Variants in LRCH1 observed in about 807,000 individuals in gnomAD.
The protein encoded by LRCH1 is leucine rich repeats and calponin homology domain containing 1.
In LRCH1, 23 loss-of-function variants were observed where a neutral mutation model predicts 94.9. That is an observed-to-expected ratio of 0.24 (90% CI 0.17 to 0.34). The LOEUF is 0.34. Among genes scored for constraint, LRCH1 ranks in the 10% least tolerant of loss-of-function variants. The pLI is 1.00. For missense variants in LRCH1, 790 were observed against 945.9 expected, an observed-to-expected ratio of 0.84 and a Z score of 2.16; for synonymous variants, 364 against 354.9, an observed-to-expected ratio of 1.03 and a Z score of -0.29.
exon 19 of LRCH1, chr13:46,750,647 A>G (rs1874089340): frequency 5.8e-6 from 9 of 1,546,994 alleles, no homozygotes; most frequent in Non-Finnish European, 6.1e-6. Flanking sequence ...CTCTGTTCAC[A>G]TGAAACTACC....
intron 7 of LRCH1, among the ~76,000 whole-genome samples, chr13:46,691,953 G>T (rs890703399): frequency 6.6e-5 from 10 of 152,180 alleles, no homozygotes; most frequent in Non-Finnish European, 1.3e-4. Flanking sequence ...CTCCCAAAGT[G>T]CTGGGATTAC....
intron 1 of LRCH1, among the ~76,000 whole-genome samples, chr13:46,557,828 C>T (rs1594241720): frequency 6.6e-6 from 1 of 152,042 alleles, no homozygotes; most frequent in East Asian, 1.9e-4. Flanking sequence ...CACTGCATGC[C>T]AGCCTGGGCG....
intron 1 of LRCH1, among the ~76,000 whole-genome samples, chr13:46,572,655 T>A (rs1346445575): frequency 6.6e-6 from 1 of 152,122 alleles, no homozygotes; most frequent in Non-Finnish European, 1.5e-5. Context: ...GAAGATAGAA[T>A]AAGAAGACAG....
intron 3 of LRCH1, among the ~76,000 whole-genome samples, chr13:46,672,956 C>G (rs1009979597): frequency 6.6e-6 from 1 of 152,200 alleles, no homozygotes; most frequent in African/African-American, 2.4e-5. Flanking sequence ...CAGCGCAGTC[C>G]TGTGGAAATA....
In LRCH1 at chr13:46,676,252, G is replaced by A. The variant is rs113527051; in HGVS notation, c.580-5489G>A. Among the ~76,000 whole-genome samples the A allele has an allele frequency of 7.9e-3, 1,208 of 152,098 alleles. 21 individuals are homozygous for A. The highest frequency in any genetic ancestry group is 0.027 in the African/African-American group (1,129 of 41,478). ...CTCCAGCCTGGGTGACAGAGACTCC[G>A]TCTCGGTGGGGTGGGGGGAAAGACA... On this transcript the variant is annotated intron_variant, in intron 3 of 19. Coordinates refer to ENST00000389797, the MANE Select transcript of LRCH1 (RefSeq NM_001164211.2).
At chr13:46,679,674 G>A (rs975923977) in intron 3 of LRCH1, among the ~76,000 whole-genome samples, 12 of 152,326 alleles carry the variant, frequency 7.9e-5, no homozygotes, top group African/African-American at 2.9e-4. Context: ...CGCAGTTGGG[G>A]GTGATGCTGC....
chr13:46,650,106 T>G (rs1227886813), intron 1 of LRCH1, 95 bp from the exon 2 acceptor site: 9 of 775,300 alleles, frequency 1.2e-5, no homozygotes, highest in Middle Eastern at 2.6e-4. Context: ...TTGGTCAAAA[T>G]GTATAATGTT....
chr13:46,735,467 A>T (rs939513204), intron 19 of LRCH1, among the ~76,000 whole-genome samples: 1 of 152,186 alleles, frequency 6.6e-6, no homozygotes, highest in Non-Finnish European at 1.5e-5. Flanking sequence ...AAACTCATCA[A>T]TGTGTTTTTG....
At chr13:46,747,033 C>G (rs1324760623), downstream of LRCH1, among the ~76,000 whole-genome samples, 2 of 152,190 alleles carry the variant, frequency 1.3e-5, no homozygotes, top group African/African-American at 4.8e-5. Context: ...AGTCTTCTTA[C>G]ATCCCTCCAA....
At chr13:46,660,048 T>TTTTTTTTTTTTTTG (rs1453574805) in intron 2 of LRCH1, among the ~76,000 whole-genome samples, 1 of 148,890 alleles carries the variant, frequency 6.7e-6, no homozygotes, top group Non-Finnish European at 1.5e-5. Flanking sequence ...TTTTTTTTTT[T>TTTTTTTTTTTTTTG]TGAGACAGGC....
chr13:46,566,329 T>G (rs1341561585), intron 1 of LRCH1, among the ~76,000 whole-genome samples: 1 of 152,170 alleles, frequency 6.6e-6, no homozygotes, highest in Non-Finnish European at 1.5e-5. Flanking sequence ...TTTCCCTCAC[T>G]CTTTTACTGG....
At chr13:46,580,040 A>C (rs1353698737) in intron 1 of LRCH1, among the ~76,000 whole-genome samples, 1 of 152,194 alleles carries the variant, frequency 6.6e-6, no homozygotes, top group East Asian at 1.9e-4. Context: ...GGGAACCCCT[A>C]GGAGCATTTT....
At chr13:46,729,969 T>C (rs1443602935) in intron 18 of LRCH1, among the ~76,000 whole-genome samples, 1 of 152,184 alleles carries the variant, frequency 6.6e-6, no homozygotes, top group African/African-American at 2.4e-5. Flanking sequence ...AGATAGAGCC[T>C]GCACTCAGGG....
chr13:46,690,536 A>G (rs1039144357), intron 7 of LRCH1, among the ~76,000 whole-genome samples: 5 of 152,236 alleles, frequency 3.3e-5, no homozygotes, highest in African/African-American at 9.6e-5. Flanking sequence ...TTGTCACTTA[A>G]GCATAAGTAG....
chr13:46,687,793 T>C (rs1870697801), intron 5 of LRCH1, 59 bp from the exon 6 acceptor site: 1 of 1,445,038 alleles, frequency 6.9e-7, no homozygotes, highest in Admixed American at 1.8e-5. Flanking sequence ...AAGGATTTGA[T>C]ACTTACATTT....
At chr13:46,714,714 G>T (rs1042953815) in intron 15 of LRCH1, among the ~76,000 whole-genome samples, 11 of 152,076 alleles carry the variant, frequency 7.2e-5, no homozygotes, top group African/African-American at 2.4e-4. Flanking sequence ...CCTGCCTTAT[G>T]ATTGAATAAA....
chr13:46,697,883 A>G (rs1053799817), intron 9 of LRCH1, among the ~76,000 whole-genome samples: 6 of 29,200 alleles, frequency 2.1e-4, no homozygotes, highest in African/African-American at 3.5e-4. Context: ...AATGAAAAAA[A>G]GAGACATTTT....
At chr13:46,705,393 G>A in intron 13 of LRCH1, 89 bp downstream of exon 13, 2 of 1,146,640 alleles carry the variant, frequency 1.7e-6, no homozygotes, top group East Asian at 2.3e-5. Flanking sequence ...TTGTCAGGGA[G>A]TGAAACATCT....
intron 1 of LRCH1, among the ~76,000 whole-genome samples, chr13:46,613,478 CCCTT>C (rs2050770721): frequency 6.6e-6 from 1 of 152,180 alleles, no homozygotes; most frequent in African/African-American, 2.4e-5. Flanking sequence ...CCCTCCCTCT[CCCTT>C]CCTTAATGAT....
Sources: allele counts gnomAD v4.1 joint callset (sites outside exome capture counted in the v4.1 genomes callset), GRCh38; gene constraint gnomAD v4.1.1; transcripts MANE v1.5; gene names NCBI Gene and HGNC (gene_info 2026-07-23, HGNC 2026-07-21).